WARS2: variants seen among roughly 807,000 people sequenced by gnomAD.
WARS2 encodes tryptophan--tRNA ligase, mitochondrial.
A neutral mutation model predicts 36.5 loss-of-function variants in WARS2; 28 were observed. The ratio of observed to expected loss-of-function variants is 0.77; its 90% CI spans 0.57 to 1.05. The LOEUF (loss-of-function observed/expected upper bound fraction) is 1.05. WARS2 is among the 50% of genes least tolerant of loss of function. The pLI, the probability that WARS2 is intolerant of heterozygous loss-of-function variation, is 0.00. For missense variants in WARS2, 435 were observed against 456.8 expected (o/e 0.95, Z 0.44); for synonymous variants, 174 against 178.4 (o/e 0.98, Z 0.20).
chr1:119,107,301 T>C (rs920732561), intron 1 of WARS2, among the ~76,000 whole-genome samples: 3 of 152,184 alleles, frequency 2.0e-5, no homozygotes, highest in Non-Finnish European at 4.4e-5. Flanking sequence ...CAGAAGTTTA[T>C]AATTGTAATG....
rs139773995 is a variant in WARS2, at chr1:119,066,205, C to A, written c.348+10145G>T. Among the ~76,000 whole-genome samples, 45 of 152,140 alleles carry A rather than the reference C, an allele frequency of 3.0e-4. No homozygotes were observed. The South Asian group carries it at 7.2e-3, about 24-fold the overall frequency. ...AAAAGACAAGCTACAAGGCTGGGTG[C>A]GGTGGCTCACGCCTGTAATCCCAGC... On this transcript the variant is annotated intron_variant, in intron 2 of 5. Transcript: ENST00000235521.
chr1:119,076,248 C>T (rs1335668245), intron 2 of WARS2, 102 bp downstream of exon 2: 3 of 1,449,948 alleles, frequency 2.1e-6, no homozygotes, highest in African/African-American at 2.9e-5. Flanking sequence ...CCTTCAAACA[C>T]TTTTTAAAAA....
intron 1 of WARS2, among the ~76,000 whole-genome samples, chr1:119,135,694 GAGAT>G (rs1319357705): frequency 6.6e-6 from 1 of 151,754 alleles, no homozygotes; most frequent in South Asian, 2.1e-4. Context: ...ATGGAATATA[GAGAT>G]AGATAGATTA....
Position 119,032,747 on chromosome 1 carries a change from C to T in WARS2, c.*164G>A, listed in dbSNP as rs1647533312. ...TTGTTGATGGGATTTGGAACACTGT[C>T]GTATTTCAAAGCTACAAAGCAATAT... On this transcript the variant is annotated 3_prime_UTR_variant, in exon 6 of 6. Coordinates refer to ENST00000235521, the MANE Select transcript of WARS2 (RefSeq NM_015836.4). 4.4e-6 allele frequency: 3 copies of T among 675,496 alleles called. No individual in the cohort carries two copies. Among genetic ancestry groups the T allele is most frequent in the Admixed American group, 6.2e-5 (2 of 32,132 alleles). 41.8% of individuals were successfully genotyped at this position (675,496 alleles called of 1,614,324 possible). A position where few individuals can be genotyped will look rare whatever the true frequency, so the allele number is the denominator to read the frequency against.
At chr1:119,109,083 G>A (rs1654444154) in intron 1 of WARS2, among the ~76,000 whole-genome samples, 1 of 151,954 alleles carries the variant, frequency 6.6e-6, no homozygotes, top group Non-Finnish European at 1.5e-5. Context: ...GTCAGATGTT[G>A]TAACATTTCT....
chr1:119,095,670 A>G (rs934148134), intron 1 of WARS2, among the ~76,000 whole-genome samples: 1 of 152,154 alleles, frequency 6.6e-6, no homozygotes, highest in Admixed American at 6.5e-5. Context: ...TGACCTCGTG[A>G]TCCACCTGCC....
chr1:119,051,121 T>C (rs1025932372), intron 2 of WARS2, among the ~76,000 whole-genome samples: 1 of 152,076 alleles, frequency 6.6e-6, no homozygotes, highest in African/African-American at 2.4e-5. Flanking sequence ...TACAGATTAT[T>C]TTATCACCCA....
intron 1 of WARS2, among the ~76,000 whole-genome samples, chr1:119,132,950 C>T (rs898703652): frequency 1.3e-5 from 2 of 152,166 alleles, no homozygotes; most frequent in Non-Finnish European, 2.9e-5. Flanking sequence ...TACTTCCCAC[C>T]TTCTGACTGT....
At chr1:119,053,632 A>C (rs2101165837) in intron 2 of WARS2, among the ~76,000 whole-genome samples, 2 of 152,350 alleles carry the variant, frequency 1.3e-5, no homozygotes, top group East Asian at 1.9e-4. Context: ...ACTACATCGA[A>C]ATTTAAAACT....
At chr1:119,036,208 G>T (rs1251800856) in intron 4 of WARS2, among the ~76,000 whole-genome samples, 2 of 150,764 alleles carry the variant, frequency 1.3e-5, no homozygotes, top group East Asian at 2.0e-4. Flanking sequence ...ACTCTGCCTC[G>T]AAAAATAAAA....
At position 119,077,000 on chromosome 1, in the gene WARS2, C is replaced by T. The variant is rs1031316019; in HGVS notation, c.91-393G>A. Among the ~76,000 whole-genome samples the T allele has an allele frequency of 9.2e-5, 14 of 151,802 alleles. No homozygotes were observed. In the East Asian group the frequency reaches 1.6e-3, roughly 17 times the overall value. On this transcript the variant is annotated intron_variant, in intron 1 of 5. Transcript: ENST00000235521. ...ACTAAAAATACAAAAATCACCTGGG[C>T]GTGGTGGTACACCTTTAATGCCAGC...
At chr1:119,058,320 T>TA (rs1260544974) in intron 2 of WARS2, among the ~76,000 whole-genome samples, 6 of 132,868 alleles carry the variant, frequency 4.5e-5, no homozygotes, top group Non-Finnish European at 9.6e-5. Flanking sequence ...TTTTTTTTTT[T>TA]TTATACTTTA....
chr1:119,068,128 A>C (rs1352794449), intron 2 of WARS2, among the ~76,000 whole-genome samples: 1 of 152,232 alleles, frequency 6.6e-6, no homozygotes, highest in Admixed American at 6.5e-5. Flanking sequence ...CAAGTCCACT[A>C]ATCTACGCAG....
At chr1:119,112,506 CA>C (rs1375400104) in intron 1 of WARS2, among the ~76,000 whole-genome samples, 2 of 152,126 alleles carry the variant, frequency 1.3e-5, no homozygotes, top group Non-Finnish European at 2.9e-5. Flanking sequence ...AGAGTAAATG[CA>C]GAACACAGAA....
At chr1:119,126,799 T>G in intron 1 of WARS2, 1 of 739,970 alleles carries the variant, frequency 1.4e-6, no homozygotes, top group African/African-American at 1.7e-5. Flanking sequence ...TTCCAGTCAT[T>G]TGTCTGTACC....
chr1:119,128,874 A>C (rs587604196), intron 1 of WARS2, among the ~76,000 whole-genome samples: 2 of 152,272 alleles, frequency 1.3e-5, no homozygotes, highest in South Asian at 4.2e-4. Flanking sequence ...AAAGAAAGAC[A>C]AGAGGGCAAG....
intron 2 of WARS2, among the ~76,000 whole-genome samples, chr1:119,059,127 A>G (rs1003711529): frequency 4.6e-5 from 7 of 150,774 alleles, no homozygotes; most frequent in Admixed American, 2.0e-4. Flanking sequence ...GTGTCTGTTC[A>G]TGTCCTTCGC....
At chr1:119,073,183 G>A (rs919709841) in intron 2 of WARS2, among the ~76,000 whole-genome samples, 2 of 151,310 alleles carry the variant, frequency 1.3e-5, no homozygotes, top group South Asian at 2.1e-4. Flanking sequence ...AGAAAAGAAA[G>A]TAACATCAGT....
chr1:119,101,311 CAAATAA>C (rs1029447990), intron 1 of WARS2, among the ~76,000 whole-genome samples: 28 of 151,408 alleles, frequency 1.8e-4, no homozygotes, highest in Admixed American at 1.7e-3. Context: ...CAAATTTGTA[CAAATAA>C]AAATAAAAAT....
Sources: gnomAD v4.1 joint callset for allele counts (sites outside exome capture counted in the v4.1 genomes callset) on GRCh38, gnomAD v4.1.1 for gene constraint, MANE v1.5 for transcripts, NCBI Gene and HGNC (gene_info 2026-07-23, HGNC 2026-07-21) for gene names.